The following NR6A1 variants were observed in gnomAD, a reference collection of about 807,000 sequenced individuals.
NR6A1 encodes the protein retinoic acid receptor-related testis-associated receptor.
NR6A1 carries 7 observed loss-of-function variants against 59.1 expected under a neutral mutation model. The ratio of observed to expected loss-of-function variants is 0.12; its 90% CI spans 0.07 to 0.22. The LOEUF (loss-of-function observed/expected upper bound fraction) is 0.22, where lower values mean the gene tolerates loss of function less well. Among genes scored for constraint, NR6A1 ranks in the 10% least tolerant of loss-of-function variants. The probability of loss-of-function intolerance (pLI) is 1.00; values close to 1 mark genes in which losing one functional copy is unlikely to be tolerated. For synonymous variants in NR6A1, 243 were observed against 236.1 expected, an observed-to-expected ratio of 1.03 and a Z score of -0.27; for missense variants, 468 against 611.6, an observed-to-expected ratio of 0.77 and a Z score of 2.48.
At chr9:124,634,667 A>G (rs1836547027) in intron 2 of NR6A1, among the ~76,000 whole-genome samples, 1 of 152,216 alleles carries the variant, frequency 6.6e-6, no homozygotes, top group South Asian at 2.1e-4. Context: ...TAAAAATACA[A>G]AACAATTAGC....
chr9:124,688,379 C>T (rs1405446218), intron 2 of NR6A1, among the ~76,000 whole-genome samples: 1 of 151,966 alleles, frequency 6.6e-6, no homozygotes, highest in Non-Finnish European at 1.5e-5. Context: ...CTCAGAATAT[C>T]TTATTGTACC....
At chr9:124,540,930 C>A (rs537425740) in intron 4 of NR6A1, among the ~76,000 whole-genome samples, 1 of 152,242 alleles carries the variant, frequency 6.6e-6, no homozygotes, top group South Asian at 2.1e-4. Flanking sequence ...ATGCCCCGCC[C>A]CCAGCCCCCA....
At chr9:124,742,710 A>G (rs948714843) in intron 1 of NR6A1, among the ~76,000 whole-genome samples, 3 of 152,028 alleles carry the variant, frequency 2.0e-5, no homozygotes, top group Non-Finnish European at 4.4e-5. Flanking sequence ...CCCCGTCTCT[A>G]GTAAAAACAC....
intron 1 of NR6A1, among the ~76,000 whole-genome samples, chr9:124,736,061 G>T (rs558605289): frequency 1.3e-5 from 2 of 152,288 alleles, no homozygotes; most frequent in East Asian, 3.9e-4. Flanking sequence ...CATGCCAGAA[G>T]TGAAACTGAG....
chr9:124,689,947 A>C (rs1056365634), intron 2 of NR6A1, among the ~76,000 whole-genome samples: 2 of 152,210 alleles, frequency 1.3e-5, no homozygotes, highest in African/African-American at 4.8e-5. Flanking sequence ...CAGGATGGCA[A>C]GGGTTTTATA....
intron 2 of NR6A1, among the ~76,000 whole-genome samples, chr9:124,567,008 T>C (rs1834269475): frequency 6.7e-6 from 1 of 150,194 alleles, no homozygotes; most frequent in Non-Finnish European, 1.5e-5. Flanking sequence ...CTTGGGAGGC[T>C]GAGGCAGGAG....
intron 2 of NR6A1, among the ~76,000 whole-genome samples, chr9:124,585,267 G>A (rs1036410059): frequency 6.6e-6 from 1 of 152,178 alleles, no homozygotes; most frequent in East Asian, 1.9e-4. Flanking sequence ...TGGGCCAGGC[G>A]CAGTGGCTCA....
chr9:124,628,363 G>T (rs923393457), intron 2 of NR6A1, among the ~76,000 whole-genome samples: 1 of 151,958 alleles, frequency 6.6e-6, no homozygotes, highest in Non-Finnish European at 1.5e-5. Flanking sequence ...AATTTTTTTT[G>T]AGATGGAGTC....
intron 2 of NR6A1, among the ~76,000 whole-genome samples, chr9:124,729,606 C>G (rs145627711): frequency 6.6e-5 from 10 of 152,090 alleles, no homozygotes; most frequent in Middle Eastern, 3.4e-3. Context: ...ATTAAATAAA[C>G]AAAAGTCAAA....
chr9:124,710,554 C>A (rs1839248388), intron 2 of NR6A1, among the ~76,000 whole-genome samples: 1 of 152,208 alleles, frequency 6.6e-6, no homozygotes, highest in South Asian at 2.1e-4. Context: ...AACCTCTTAG[C>A]CCCATGATTC....
At position 124,521,051 on chromosome 9, in the gene NR6A1, G is replaced by A. The variant is rs1452946426; in HGVS notation, c.*1654C>T. The A allele has an allele frequency of 6.6e-6, 1 of 152,240 alleles. No individual in the cohort carries two copies. The highest frequency in any genetic ancestry group is 2.4e-5 in the African/African-American group (1 of 41,460). The allele number at this position is 152,240 out of a possible 1,614,324, so 9.4% of individuals were successfully genotyped here. A position where few individuals can be genotyped will look rare whatever the true frequency, so the allele number is the denominator to read the frequency against. On this transcript the variant is annotated 3_prime_UTR_variant, in exon 10 of 10. Transcript: ENST00000487099. ...GGGTAGCTTTACTAGGTTGAGTTGA[G>A]GAGACAGCAAACAGCCTTTGACTAA... is the stretch of plus-strand genomic sequence containing the variant.
intron 2 of NR6A1, among the ~76,000 whole-genome samples, chr9:124,574,404 C>A (rs1483848711): frequency 1.3e-5 from 2 of 152,164 alleles, no homozygotes; most frequent in East Asian, 3.8e-4. Context: ...ACTGAAGGAG[C>A]CTTAGCAGAG....
intron 7 of NR6A1, among the ~76,000 whole-genome samples, chr9:124,533,150 C>T (rs937223388): frequency 2.6e-5 from 4 of 152,220 alleles, no homozygotes; most frequent in Non-Finnish European, 5.9e-5. Context: ...CCTGTAGTCC[C>T]AGGCCGAACT....
intron 2 of NR6A1, among the ~76,000 whole-genome samples, chr9:124,634,070 C>T (rs1284141855): frequency 2.0e-5 from 3 of 151,890 alleles, no homozygotes; most frequent in Non-Finnish European, 4.4e-5. Flanking sequence ...GATGATAATC[C>T]GAATTGTATT....
At chr9:124,627,006 A>G (rs978311984) in intron 2 of NR6A1, among the ~76,000 whole-genome samples, 2 of 152,204 alleles carry the variant, frequency 1.3e-5, no homozygotes, top group African/African-American at 4.8e-5. Flanking sequence ...TGACTGATAC[A>G]TATTTATTGG....
At chr9:124,550,534 T>C (rs954240031) in intron 3 of NR6A1, among the ~76,000 whole-genome samples, 1 of 151,904 alleles carries the variant, frequency 6.6e-6, no homozygotes, top group Non-Finnish European at 1.5e-5. Flanking sequence ...TTGTATTTTT[T>C]TTTTGTATAG....
At chr9:124,753,173 C>T (rs1840553649) in intron 1 of NR6A1, among the ~76,000 whole-genome samples, 1 of 152,200 alleles carries the variant, frequency 6.6e-6, no homozygotes, top group Admixed American at 6.5e-5. Context: ...CTTTTCCACT[C>T]TCTTTCAATC....
In NR6A1 at chr9:124,760,289, G is replaced by A. The variant is rs555337906; in HGVS notation, c.100+10731C>T. ...ATCTCGCCACTGCACTCCAGCCTGG[G>A]AGACAGAGTGAGACTCCAACTAAAA... On this transcript the variant is annotated intron_variant, in intron 1 of 9. Coordinates refer to ENST00000487099, the MANE Select transcript of NR6A1 (RefSeq NM_033334.4). 2.8e-4 allele frequency among the ~76,000 whole-genome samples: 42 copies of A among 151,916 alleles called. No homozygotes were observed. In the South Asian group the frequency reaches 2.9e-3, roughly 11 times the overall value.
chr9:124,729,470 G>A (rs1588834990), intron 2 of NR6A1, among the ~76,000 whole-genome samples: 1 of 152,220 alleles, frequency 6.6e-6, no homozygotes, highest in East Asian at 1.9e-4. Flanking sequence ...TGTAGTCACA[G>A]CTACTCAGGA....
Sources: allele counts gnomAD v4.1 joint callset (sites outside exome capture counted in the v4.1 genomes callset), GRCh38; gene constraint gnomAD v4.1.1; transcripts MANE v1.5; gene names NCBI Gene and HGNC (gene_info 2026-07-23, HGNC 2026-07-21).